NOSTRIN: variants seen among roughly 807,000 people sequenced by gnomAD.
NOSTRIN encodes nitric oxide synthase trafficking.
Under a neutral mutation model 59.0 loss-of-function variants are expected in NOSTRIN, and 63 were observed. That is an observed-to-expected ratio of 1.07 (90% CI 0.87 to 1.32). NOSTRIN has a LOEUF of 1.32. Ranked by LOEUF, NOSTRIN falls within the 40% of genes most tolerant of loss-of-function variation. NOSTRIN has a pLI of 0.00. For synonymous variants in NOSTRIN, 200 were observed against 165.4 expected (o/e 1.21, Z -1.61); for missense variants, 512 against 473.1 (o/e 1.08, Z -0.76).
chr2:168,843,224 G>T, intron 8 of NOSTRIN, 107 bp downstream of exon 8: 2 of 679,940 alleles, frequency 2.9e-6, no homozygotes, highest in South Asian at 2.1e-5. Context: ...TTAGCTATGA[G>T]CATCACACAT....
At chr2:168,811,800 C>T (rs1170204451) in intron 2 of NOSTRIN, 148 bp downstream of exon 2, 1 of 473,156 alleles carries the variant, frequency 2.1e-6, no homozygotes, top group Non-Finnish European at 3.7e-6. Context: ...GTGATTCTCC[C>T]CTATTGCACA....
chr2:168,797,764 G>C (rs192323018), upstream of NOSTRIN, among the ~76,000 whole-genome samples: 26 of 152,008 alleles, frequency 1.7e-4, no homozygotes, highest in East Asian at 4.7e-3. Flanking sequence ...AATCGCTGGA[G>C]TTCAGGAGTT....
At chr2:168,848,627 C>T (rs1688567596) in intron 8 of NOSTRIN, among the ~76,000 whole-genome samples, 1 of 152,184 alleles carries the variant, frequency 6.6e-6, no homozygotes, top group African/African-American at 2.4e-5. Context: ...GGAATTCTGG[C>T]ACATGCTACA....
Position 168,809,711 on chromosome 2 carries a change from A to C in NOSTRIN, c.28-1856A>C, listed in dbSNP as rs978720772. Among the ~76,000 whole-genome samples, 53 of 148,464 alleles carry C rather than the reference A, an allele frequency of 3.6e-4. 2 individuals are homozygous for C. In the Admixed American group the frequency reaches 3.6e-3, roughly 10 times the overall value. ...CAGACCATTCATATATGGTCTGATA[A>C]TAATAAATATATTATTATATTATTT... On this transcript the variant is annotated intron_variant, in intron 1 of 15. Coordinates refer to ENST00000317647, the MANE Select transcript of NOSTRIN (RefSeq NM_001039724.4).
intron 8 of NOSTRIN, among the ~76,000 whole-genome samples, chr2:168,844,003 AC>A (rs1688250997): frequency 6.6e-6 from 1 of 152,260 alleles, no homozygotes; most frequent in South Asian, 2.1e-4. Context: ...TGGAAAGTGA[AC>A]TAATATCCAT....
chr2:168,797,084 T>TTTTTC (rs2105505681), upstream of NOSTRIN, among the ~76,000 whole-genome samples: 1 of 31,778 alleles, frequency 3.1e-5, no homozygotes, highest in Non-Finnish European at 6.7e-5. Flanking sequence ...TTTTTCTTTT[T>TTTTTC]TTTTTTTTTT....
intron 2 of NOSTRIN, among the ~76,000 whole-genome samples, chr2:168,820,961 CT>C (rs1329907563): frequency 6.6e-6 from 1 of 152,176 alleles, no homozygotes; most frequent in Non-Finnish European, 1.5e-5. Context: ...GTTACCTTTC[CT>C]GTTAAAAACC....
rs540166230 is a variant in NOSTRIN at position 168,804,543 on chromosome 2, T to G, written c.27+1870T>G. On this transcript the variant is annotated intron_variant, in intron 1 of 15. Coordinates refer to ENST00000317647, the MANE Select transcript of NOSTRIN (RefSeq NM_001039724.4). ...ATGAATCTGCGGTTTGGGAACAAAA[T>G]AAGACAAGGAAATGGATTGCAAATG... 5.2e-4 allele frequency among the ~76,000 whole-genome samples: 79 copies of G among 152,264 alleles called. 1 individual carries two copies. Among genetic ancestry groups the G allele is most frequent in the African/African-American group, 1.9e-3 (78 of 41,544 alleles).
chr2:168,816,699 A>G (rs2105574297), intron 2 of NOSTRIN, among the ~76,000 whole-genome samples: 1 of 152,290 alleles, frequency 6.6e-6, no homozygotes, highest in East Asian at 1.9e-4. Context: ...TAGTGCTTGC[A>G]TCTGTTGTAG....
intron 6 of NOSTRIN, 115 bp downstream of exon 6, chr2:168,831,649 G>A: frequency 1.5e-6 from 1 of 658,924 alleles, no homozygotes; most frequent in Non-Finnish European, 2.8e-6. Flanking sequence ...GCTAACTGAA[G>A]AGAAAAATGT....
At chr2:168,824,789 T>TTTGTTTGTTTGC in intron 3 of NOSTRIN, 72 bp downstream of exon 3, 1 of 788,856 alleles carries the variant, frequency 1.3e-6, no homozygotes, top group Admixed American at 1.9e-5. Context: ...TGTTTGTTTG[T>TTTGTTTGTTTGC]TTTTTGAGAC....
rs1429933957 is a variant in NOSTRIN, at chr2:168,863,333, T to C, written c.1384+1284T>C. 3 of 876,640 alleles carry C rather than the reference T, an allele frequency of 3.4e-6. No homozygotes were observed. In the African/African-American group the frequency reaches 5.5e-5, roughly 16 times the overall value. The allele number at this position is 876,640 out of a possible 1,614,324, so 54.3% of individuals were successfully genotyped here. A position where few individuals can be genotyped will look rare whatever the true frequency, so the allele number is the denominator to read the frequency against. On this transcript the variant is annotated intron_variant, in intron 15 of 15. Transcript: ENST00000317647. ...GAATAGTGATTTATGACTAAGAAAA[T>C]GTAGAAAAGATAGAAAAGGAGTTAA...
chr2:168,830,067 T>A (rs1292898913), intron 5 of NOSTRIN, among the ~76,000 whole-genome samples: 1 of 152,216 alleles, frequency 6.6e-6, no homozygotes, highest in African/African-American at 2.4e-5. Flanking sequence ...GGACAGAACT[T>A]GATAGGAATT....
At chr2:168,847,150 C>T (rs531864) in intron 8 of NOSTRIN, among the ~76,000 whole-genome samples, 51,103 of 152,048 alleles carry the variant, frequency 0.34, 9,603 homozygotes, top group East Asian at 0.68. Flanking sequence ...GCACGGGAAA[C>T]TGTTCACATG....
chr2:168,797,507 C>A (rs1245631865), upstream of NOSTRIN, among the ~76,000 whole-genome samples: 2 of 152,132 alleles, frequency 1.3e-5, no homozygotes, highest in East Asian at 3.9e-4. Context: ...GCAACACAAG[C>A]TAGACTTTGG....
chr2:168,852,704 G>T (rs1022314780), intron 10 of NOSTRIN, among the ~76,000 whole-genome samples: 1 of 152,138 alleles, frequency 6.6e-6, no homozygotes, highest in African/African-American at 2.4e-5. Context: ...AGGCAGAGGT[G>T]GTTAGATCAG....
intron 2 of NOSTRIN, among the ~76,000 whole-genome samples, chr2:168,816,273 G>A (rs148046535): frequency 3.8e-4 from 58 of 152,216 alleles, no homozygotes; most frequent in Non-Finnish European, 6.6e-4. Flanking sequence ...TCTTTAACGC[G>A]CCTTTCACTC....
At position 168,851,143 on chromosome 2, in the gene NOSTRIN, C is replaced by A; in HGVS notation, c.690C>A (p.Tyr230Ter). 1.2e-6 allele frequency: 2 copies of A among 1,606,818 alleles called. No individual in the cohort carries two copies. Among genetic ancestry groups the A allele is most frequent in the African/African-American group, 1.3e-5 (1 of 74,918 alleles). The change falls in exon 9 of 16, where the codon TAC (tyrosine) becomes TAA (stop). Residue 230 changes from tyrosine (Y) to a stop codon, truncating the protein, a stop_gained. Transcript: ENST00000317647. LOFTEE classifies it high-confidence loss of function. Reference protein sequence around the residue: ...IQLLCNNLNQYSQHISLFGQT... With the variant: ...IQLLCNNLNQ ...TTTTATGCAATAACTTAAACCAGTA[C>A]AGCCAACATATTTCTCTTTTTGGCC...
At chr2:168,797,304 C>T (rs944949290), upstream of NOSTRIN, among the ~76,000 whole-genome samples, 11 of 151,790 alleles carry the variant, frequency 7.2e-5, no homozygotes, top group Non-Finnish European at 1.2e-4. Flanking sequence ...ACCATGTTGC[C>T]CAGGCTGGTC....
Sources: gnomAD v4.1 joint callset for allele counts (sites outside exome capture counted in the v4.1 genomes callset) on GRCh38, gnomAD v4.1.1 for gene constraint, MANE v1.5 for transcripts, NCBI Gene and HGNC (gene_info 2026-07-23, HGNC 2026-07-21) for gene names.